Variants in PRH1 observed in about 807,000 individuals in gnomAD.
The protein encoded by PRH1 is salivary acidic proline-rich phosphoprotein 1/2.
PRH1 carries 7 observed loss-of-function variants against 7.9 expected under a neutral mutation model. That is an observed-to-expected ratio of 0.89 (90% CI 0.50 to 1.67). PRH1 has a LOEUF of 1.67. Ranked by LOEUF, PRH1 falls within the 40% of genes most tolerant of loss-of-function variation. The pLI is 0.00. For synonymous variants in PRH1, 45 were observed against 80.8 expected (o/e 0.56, Z 2.38); for missense variants, 109 against 223.6 (o/e 0.49, Z 3.27).
intron 2 of PRH1, among the ~76,000 whole-genome samples, chr12:10,951,157 C>T (rs1279798408): frequency 6.6e-6 from 1 of 152,060 alleles, no homozygotes; most frequent in East Asian, 1.9e-4. Context: ...TTGCTATAGG[C>T]TTTTTTCATA....
At chr12:11,088,022 A>C (rs1305590378) in intron 1 of PRH1, among the ~76,000 whole-genome samples, 1 of 122,362 alleles carries the variant, frequency 8.2e-6, no homozygotes. Flanking sequence ...ACATTTTTTA[A>C]AACATCGTGA....
chr12:11,054,586 G>A (rs34836514), intron 1 of PRH1, among the ~76,000 whole-genome samples: 32,174 of 149,336 alleles, frequency 0.22, 3,998 homozygotes, highest in Non-Finnish European at 0.28. Context: ...CACATGCATG[G>A]TATAATCTTT....
chr12:10,917,009 C>T (rs777779040), intron 2 of PRH1, among the ~76,000 whole-genome samples: 4 of 152,120 alleles, frequency 2.6e-5, no homozygotes, highest in Non-Finnish European at 5.9e-5. Flanking sequence ...CCGGAAGGCC[C>T]AGGCTGCAGT....
chr12:11,165,497 A>G (rs1446235353), intron 1 of PRH1, among the ~76,000 whole-genome samples: 1 of 152,206 alleles, frequency 6.6e-6, no homozygotes, highest in African/African-American at 2.4e-5. Flanking sequence ...TCTCTCTGCT[A>G]AAATTTCCTG....
At chr12:11,126,293 C>T (rs1224698733) in intron 1 of PRH1, among the ~76,000 whole-genome samples, 1 of 152,140 alleles carries the variant, frequency 6.6e-6, no homozygotes, top group Non-Finnish European at 1.5e-5. Context: ...ATTTCGACAA[C>T]AATGTAATAA....
chr12:11,140,706 A>T (rs1488646124), intron 1 of PRH1, among the ~76,000 whole-genome samples: 2 of 152,168 alleles, frequency 1.3e-5, no homozygotes, highest in East Asian at 3.8e-4. Flanking sequence ...CTAGCATGCC[A>T]AGGAAGAGTT....
chr12:11,112,970 A>C (rs578023010), intron 1 of PRH1, among the ~76,000 whole-genome samples: 8 of 152,120 alleles, frequency 5.3e-5, no homozygotes, highest in Non-Finnish European at 1.0e-4. Flanking sequence ...AAAAATCAAC[A>C]TGCAAAATTC....
chr12:11,031,299 C>A, intron 1 of PRH1: 5 of 1,613,196 alleles, frequency 3.1e-6, no homozygotes, highest in Non-Finnish European at 4.2e-6. Flanking sequence ...AGAACCACTA[C>A]CACACTGGAA....
At chr12:10,997,799 A>C (rs371161941) in intron 1 of PRH1, 25 of 1,613,408 alleles carry the variant, frequency 1.5e-5, no homozygotes, top group Non-Finnish European at 2.0e-5. Context: ...CAGTGCTATA[A>C]AGCCATTGGC....
intron 1 of PRH1, among the ~76,000 whole-genome samples, chr12:11,128,872 A>C (rs2708345): frequency 0.45 from 68,390 of 151,318 alleles, 16,110 homozygotes; most frequent in Non-Finnish European, 0.52. Flanking sequence ...AAGATTGTTA[A>C]TTATTGATTT....
At chr12:10,937,707 C>T (rs976385181) in intron 2 of PRH1, 1 of 152,208 alleles carries the variant, frequency 6.6e-6, no homozygotes, top group African/African-American at 2.4e-5. Flanking sequence ...ATATAATTTT[C>T]TATCTGCAAA....
intron 1 of PRH1, among the ~76,000 whole-genome samples, chr12:11,074,959 G>A (rs1412278536): frequency 8.4e-6 from 1 of 119,108 alleles, no homozygotes; most frequent in African/African-American, 2.8e-5. Context: ...ATTGTGAAGT[G>A]ACAACGGCAA....
At chr12:10,927,521 T>C (rs1950139904) in intron 2 of PRH1, among the ~76,000 whole-genome samples, 1 of 152,222 alleles carries the variant, frequency 6.6e-6, no homozygotes, top group Non-Finnish European at 1.5e-5. Context: ...GCATTCCCAC[T>C]TCAAATATGT....
At chr12:10,929,376 G>A in intron 2 of PRH1, 2 of 1,612,946 alleles carry the variant, frequency 1.2e-6, no homozygotes, top group Non-Finnish European at 1.7e-6. Context: ...ACTCTGATTG[G>A]GGTTTACGGG....
chr12:11,032,314 C>T, intron 1 of PRH1, among the ~76,000 whole-genome samples: 1 of 152,180 alleles, frequency 6.6e-6, no homozygotes, highest in Non-Finnish European at 1.5e-5. Context: ...TTGGTCATAA[C>T]TAAGATCATC....
chr12:11,059,307 A>T (rs1228941029), intron 1 of PRH1, among the ~76,000 whole-genome samples: 1 of 152,202 alleles, frequency 6.6e-6, no homozygotes, highest in Non-Finnish European at 1.5e-5. Context: ...CAGCAGAGCC[A>T]TACCAGACAT....
At chr12:11,106,657 A>G (rs1006763817) in intron 1 of PRH1, among the ~76,000 whole-genome samples, 4 of 152,200 alleles carry the variant, frequency 2.6e-5, no homozygotes, top group Non-Finnish European at 4.4e-5. Context: ...AGAGGAATCG[A>G]TGTTAAAATC....
intron 1 of PRH1, among the ~76,000 whole-genome samples, chr12:11,150,050 C>A (rs1947014642): frequency 7.1e-6 from 1 of 140,558 alleles, no homozygotes; most frequent in African/African-American, 2.6e-5. Context: ...ATTTATGCAG[C>A]CAAAAAACAC....
intron 1 of PRH1, among the ~76,000 whole-genome samples, chr12:11,110,324 C>A (rs1347974019): frequency 1.3e-5 from 2 of 152,112 alleles, no homozygotes; most frequent in Non-Finnish European, 2.9e-5. Flanking sequence ...GAGAACACCA[C>A]AAAGATACTC....
Sources: gnomAD v4.1 joint callset for allele counts (sites outside exome capture counted in the v4.1 genomes callset) on GRCh38, gnomAD v4.1.1 for gene constraint, MANE v1.5 for transcripts, NCBI Gene and HGNC (gene_info 2026-07-23, HGNC 2026-07-21) for gene names.